MCU: variants seen among roughly 807,000 people sequenced by gnomAD.
The protein encoded by MCU is calcium uniporter protein, mitochondrial.
In MCU, 12 loss-of-function variants were observed where a neutral mutation model predicts 45.2. The observed-to-expected ratio is 0.27, with a 90% CI of 0.17 to 0.43. The LOEUF is 0.43. MCU is among the 20% of genes least tolerant of loss of function. The probability of loss-of-function intolerance (pLI) is 1.00; values close to 1 mark genes in which losing one functional copy is unlikely to be tolerated. For missense variants in MCU, 324 were observed against 436.7 expected (o/e 0.74, Z 2.30); for synonymous variants, 160 against 165.1 (o/e 0.97, Z 0.24).
chr10:72,703,046 A>G (rs1320391722), intron 1 of MCU, among the ~76,000 whole-genome samples: 2 of 152,114 alleles, frequency 1.3e-5, no homozygotes, highest in Non-Finnish European at 2.9e-5. Context: ...TGTGGTCAGC[A>G]TTCTGGGCAG....
At chr10:72,743,938 TC>T (rs985748127) in intron 1 of MCU, among the ~76,000 whole-genome samples, 7 of 152,226 alleles carry the variant, frequency 4.6e-5, no homozygotes, top group African/African-American at 1.7e-4. Flanking sequence ...TGCCCCTCTT[TC>T]CAGAAATCCA....
At chr10:72,784,312 T>C (rs1038674062) in intron 1 of MCU, among the ~76,000 whole-genome samples, 8 of 152,342 alleles carry the variant, frequency 5.3e-5, no homozygotes, top group African/African-American at 1.9e-4. Context: ...GTTTGGAAAA[T>C]GTTGCTCTGT....
chr10:72,692,440 C>G, intron 1 of MCU, 139 bp downstream of exon 1: 11 of 874,416 alleles, frequency 1.3e-5, no homozygotes, highest in Non-Finnish European at 1.6e-5. Context: ...CACCGAGGAG[C>G]CGCCGTGCCC....
intron 1 of MCU, among the ~76,000 whole-genome samples, chr10:72,809,213 C>T (rs1310611881): frequency 3.9e-5 from 6 of 152,080 alleles, no homozygotes; most frequent in Admixed American, 6.6e-5. Flanking sequence ...ATGCATTAGC[C>T]CTTTGTCACC....
intron 2 of MCU, among the ~76,000 whole-genome samples, chr10:72,840,411 C>T (rs1845030323): frequency 6.6e-6 from 1 of 152,020 alleles, no homozygotes; most frequent in African/African-American, 2.4e-5. Context: ...TGTAAGTGTT[C>T]TTTATATAGT....
At chr10:72,697,486 T>C (rs1468047505) in intron 1 of MCU, among the ~76,000 whole-genome samples, 2 of 141,000 alleles carry the variant, frequency 1.4e-5, no homozygotes, top group South Asian at 4.5e-4. Flanking sequence ...CAGGCTGGAG[T>C]GCAGTGGTGT....
At chr10:72,834,727 T>C (rs2132835091) in intron 2 of MCU, among the ~76,000 whole-genome samples, 1 of 152,282 alleles carries the variant, frequency 6.6e-6, no homozygotes, top group African/African-American at 2.4e-5. Context: ...AGTGGCGCGA[T>C]CTCAGCTTAG....
intron 1 of MCU, among the ~76,000 whole-genome samples, chr10:72,716,745 C>T (rs1176960580): frequency 1.3e-5 from 2 of 151,660 alleles, no homozygotes; most frequent in Non-Finnish European, 2.9e-5. Flanking sequence ...TTGGGCATGC[C>T]CCTGTAGTTA....
At chr10:72,810,943 G>A (rs986638138) in intron 1 of MCU, among the ~76,000 whole-genome samples, 1 of 152,146 alleles carries the variant, frequency 6.6e-6, no homozygotes, top group Non-Finnish European at 1.5e-5. Flanking sequence ...GGCTTATACT[G>A]AGTATGGAGA....
chr10:72,742,022 CAAAAAAAAAAAA>C (rs59028044), intron 1 of MCU, among the ~76,000 whole-genome samples: 16 of 72,890 alleles, frequency 2.2e-4, no homozygotes, highest in Non-Finnish European at 3.3e-4. Context: ...GACTCCGTCT[CAAAAAAAAAAAA>C]AAAAAAAAAA....
In MCU at chr10:72,886,093, AT is replaced by A; in HGVS notation, c.*273del. On this transcript the variant is annotated 3_prime_UTR_variant, in exon 8 of 8. Transcript: ENST00000373053. ...AATGATGCAGTTATATAGTTGAGAG[AT>A]TCATAAAGAGAAAACAATGCTGGGG... The A allele has an allele frequency of 3.2e-6, 1 of 314,294 alleles. No individual in the cohort carries two copies. 19.5% of individuals were successfully genotyped at this position (314,294 alleles called of 1,614,324 possible).
At chr10:72,696,231 G>T (rs1842686499) in intron 1 of MCU, among the ~76,000 whole-genome samples, 1 of 133,240 alleles carries the variant, frequency 7.5e-6, no homozygotes. Flanking sequence ...ATTTCTACCA[G>T]GCTGGTCTTG....
Position 72,720,047 on chromosome 10 carries a change from A to T in MCU, c.150+27746A>T, listed in dbSNP as rs1564537827. ...CAAAATACTACGCCCATCTAATTAAATTTTTTTTTTTGGAGAGACAAGGTC... is the reference window on the plus strand; with the variant it reads ...CAAAATACTACGCCCATCTAATTAATTTTTTTTTTTTGGAGAGACAAGGTC... On this transcript the variant is annotated intron_variant, in intron 1 of 7. Coordinates refer to ENST00000373053, the MANE Select transcript of MCU (RefSeq NM_138357.3). Among the ~76,000 whole-genome samples the T allele has an allele frequency of 2.7e-5, 4 of 147,878 alleles. No individual in the cohort carries two copies. In the South Asian group the frequency reaches 6.4e-4, roughly 24 times the overall value.
intron 1 of MCU, among the ~76,000 whole-genome samples, chr10:72,825,076 C>G (rs906686327): frequency 1.3e-5 from 2 of 152,008 alleles, no homozygotes; most frequent in Non-Finnish European, 2.9e-5. Context: ...TTATTCTATC[C>G]TAGCTTTTCT....
chr10:72,805,155 C>CTTTCTTTCTT lies in MCU; in HGVS notation c.151-29199_151-29198insTTCTTTTTCT, dbSNP rs1359050918. On this transcript the variant is annotated intron_variant, in intron 1 of 7. Coordinates refer to ENST00000373053, the MANE Select transcript of MCU (RefSeq NM_138357.3). ...TCTTTCTTTCTTTCTTTCTTTCTTT[C>CTTTCTTTCTT]TTTCTGTCTCTCTCTCTCTCTCTTT... Among the ~76,000 whole-genome samples the CTTTCTTTCTT allele has an allele frequency of 3.7e-3, 510 of 138,850 alleles. 11 individuals carry two copies. The highest frequency in any genetic ancestry group is 0.028 in the East Asian group (131 of 4,648). 91.1% of individuals were successfully genotyped at this position (138,850 alleles called of 152,430 possible).
intron 1 of MCU, chr10:72,712,408 G>C (rs991226597): frequency 6.6e-6 from 1 of 152,180 alleles, no homozygotes; most frequent in African/African-American, 2.4e-5. Context: ...CAGTGAGCTC[G>C]TGGGGGATTG....
At chr10:72,702,790 A>C (rs1456110631) in intron 1 of MCU, among the ~76,000 whole-genome samples, 2 of 152,122 alleles carry the variant, frequency 1.3e-5, no homozygotes, top group African/African-American at 4.8e-5. Flanking sequence ...CAGCCTGGCC[A>C]ACATGGTGAA....
rs550552931 is a variant in MCU at position 72,784,319 on chromosome 10, C to G, written c.151-50040C>G. On this transcript the variant is annotated intron_variant, in intron 1 of 7. Coordinates refer to ENST00000373053, the MANE Select transcript of MCU (RefSeq NM_138357.3). ...ACTGTCACGTTTGGAAAATGTTGCT[C>G]TGTTTTGATAGATCTCTTAGAAGGA... Among the ~76,000 whole-genome samples the G allele has an allele frequency of 2.6e-5, 4 of 152,280 alleles. No homozygotes were observed. In the South Asian group the frequency reaches 6.2e-4, roughly 24 times the overall value.
At chr10:72,709,364 A>G (rs1177124438) in intron 1 of MCU, among the ~76,000 whole-genome samples, 1 of 152,254 alleles carries the variant, frequency 6.6e-6, no homozygotes, top group Non-Finnish European at 1.5e-5. Flanking sequence ...AGAAGTATTT[A>G]AAGATAGATT....
Sources: allele counts gnomAD v4.1 joint callset (sites outside exome capture counted in the v4.1 genomes callset), GRCh38; gene constraint gnomAD v4.1.1; transcripts MANE v1.5; gene names NCBI Gene and HGNC (gene_info 2026-07-23, HGNC 2026-07-21).